Variants in BCL9 observed in about 807,000 individuals in gnomAD.
BCL9 encodes B-cell CLL/lymphoma 9 protein.
Under a neutral mutation model 88.5 loss-of-function variants are expected in BCL9, and 25 were observed. That is an observed-to-expected ratio of 0.28 (90% CI 0.21 to 0.39). BCL9 has a LOEUF of 0.39. BCL9 is among the 10% of genes least tolerant of loss of function. The pLI is 1.00. For missense variants in BCL9, 1,817 were observed against 1,877.8 expected, an observed-to-expected ratio of 0.97 and a Z score of 0.60; for synonymous variants, 711 against 673.3, an observed-to-expected ratio of 1.06 and a Z score of -0.87.
At chr1:147,623,389 C>T (rs1658751746) in intron 9 of BCL9, among the ~76,000 whole-genome samples, 1 of 152,170 alleles carries the variant, frequency 6.6e-6, no homozygotes, top group African/African-American at 2.4e-5. Context: ...CTCTATAAGG[C>T]ACTTATAAAA....
At chr1:147,543,143 AT>A (rs1373290661) in intron 1 of BCL9, among the ~76,000 whole-genome samples, 3 of 152,178 alleles carry the variant, frequency 2.0e-5, no homozygotes, top group African/African-American at 7.2e-5. Context: ...AGGAAAAAAA[AT>A]GTCTGCTTAT....
chr1:147,555,126 G>A (rs937689700), intron 1 of BCL9, among the ~76,000 whole-genome samples: 4 of 152,080 alleles, frequency 2.6e-5, no homozygotes, highest in African/African-American at 9.7e-5. Flanking sequence ...GGTGGGTACT[G>A]CTATTATCCT....
In BCL9 at chr1:147,624,638, C is replaced by T; in HGVS notation, c.3960C>T (p.Ala1320=). The T allele has an allele frequency of 1.2e-6, 2 of 1,614,212 alleles. No individual in the cohort carries two copies. Among genetic ancestry groups the T allele is most frequent in the Non-Finnish European group, 1.7e-6 (2 of 1,180,034 alleles). Residue 1320 remains alanine, a synonymous_variant, in exon 10 of 10, where the codon GCC becomes GCT. Coordinates refer to ENST00000234739, the MANE Select transcript of BCL9 (RefSeq NM_004326.4). The surrounding 1 kb of genome is among the most constrained non-coding windows in gnomAD (Gnocchi z 4.4). ...MPGHNPMRPP[A]FLQQGMMGPH... ...GCCACAACCCCATGAGACCACCAGC[C>T]TTTCTCCAACAAGGCATGATGGGAC...
chr1:147,558,949 C>G (rs145005255), intron 1 of BCL9, among the ~76,000 whole-genome samples: 5 of 152,274 alleles, frequency 3.3e-5, no homozygotes, highest in African/African-American at 1.2e-4. Context: ...TCCTCCTCCC[C>G]CTACTTCATC....
rs587690359 is a variant in BCL9 at position 147,593,789 on chromosome 1, A to G, written c.-477-10988A>G. Among the ~76,000 whole-genome samples, 4 of 152,338 alleles carry G rather than the reference A, an allele frequency of 2.6e-5. No individual in the cohort carries two copies. The East Asian group carries it at 5.8e-4, about 22-fold the overall frequency. On this transcript the variant is annotated intron_variant, in intron 1 of 9. Coordinates refer to ENST00000234739, the MANE Select transcript of BCL9 (RefSeq NM_004326.4). ...GCCCTGTACTTAGTAGTTGCTCAAT[A>G]AATATTGCAATGAATAAGTAATTGA...
At chr1:147,584,033 T>G (rs1425349661) in intron 1 of BCL9, among the ~76,000 whole-genome samples, 8 of 136,744 alleles carry the variant, frequency 5.9e-5, no homozygotes, top group African/African-American at 2.2e-4. Context: ...TTTATTTTCT[T>G]TCATTTCTTT....
At chr1:147,585,731 A>G (rs1002232276) in intron 1 of BCL9, among the ~76,000 whole-genome samples, 7 of 152,174 alleles carry the variant, frequency 4.6e-5, no homozygotes, top group Non-Finnish European at 1.0e-4. Context: ...ATTGTTTAGC[A>G]TTTCTAGCAC....
intron 1 of BCL9, among the ~76,000 whole-genome samples, chr1:147,573,345 C>G (rs925842860): frequency 6.6e-6 from 1 of 152,012 alleles, no homozygotes; most frequent in Admixed American, 6.5e-5. Flanking sequence ...CCCAGCTACT[C>G]GGGAGGCTGA....
At chr1:147,573,898 A>C (rs1553197790) in intron 1 of BCL9, among the ~76,000 whole-genome samples, 1 of 152,136 alleles carries the variant, frequency 6.6e-6, no homozygotes, top group East Asian at 1.9e-4. Context: ...ATTATGCCAC[A>C]AAAGAGTAGC....
chr1:147,621,489 AT>A (rs782300853), intron 8 of BCL9, among the ~76,000 whole-genome samples: 7 of 152,308 alleles, frequency 4.6e-5, no homozygotes, highest in Admixed American at 3.3e-4. Context: ...GTTCTTGTAA[AT>A]ACCTGTTGAC....
intron 1 of BCL9, among the ~76,000 whole-genome samples, chr1:147,554,605 A>G (rs368037731): frequency 1.3e-5 from 2 of 152,176 alleles, no homozygotes; most frequent in South Asian, 2.1e-4. Flanking sequence ...GGGTTTGTGA[A>G]GTGAACAGCT....
intron 1 of BCL9, among the ~76,000 whole-genome samples, chr1:147,596,504 C>G (rs1404288403): frequency 6.6e-6 from 1 of 151,226 alleles, no homozygotes; most frequent in Non-Finnish European, 1.5e-5. Flanking sequence ...AGCTCCGCCT[C>G]CCGGGTTCAC....
At chr1:147,558,924 C>T (rs1570818677) in intron 1 of BCL9, among the ~76,000 whole-genome samples, 1 of 152,258 alleles carries the variant, frequency 6.6e-6, no homozygotes, top group East Asian at 1.9e-4. Flanking sequence ...AGCACCTCAT[C>T]ACATAAGTAT....
intron 1 of BCL9, among the ~76,000 whole-genome samples, chr1:147,582,554 C>T (rs891002076): frequency 6.6e-6 from 1 of 152,028 alleles, no homozygotes; most frequent in East Asian, 1.9e-4. Flanking sequence ...ACCCGAGGGC[C>T]GAATCTGTCC....
intron 1 of BCL9, among the ~76,000 whole-genome samples, chr1:147,555,914 TTAAG>T (rs1655087595): frequency 6.6e-6 from 1 of 152,140 alleles, no homozygotes; most frequent in African/African-American, 2.4e-5. Context: ...TTTCATTACT[TTAAG>T]TAAGCTTAAT....
rs1389123342 is a variant in BCL9 at position 147,625,825 on chromosome 1, A to C, written c.*866A>C. The C allele has an allele frequency of 1.3e-5, 3 of 232,508 alleles. No homozygotes were observed. The highest frequency in any genetic ancestry group is 1.2e-4 in the East Asian group (2 of 16,466). 14.4% of individuals were successfully genotyped at this position (232,508 alleles called of 1,614,324 possible). A position where few individuals can be genotyped will look rare whatever the true frequency, so the allele number is the denominator to read the frequency against. Reference sequence around the variant, plus strand: ...TTTCCCTTTGGCAGCTGCAATACACAGTGTTATTTTGGGGAAATAAATCTA... The same window carrying C: ...TTTCCCTTTGGCAGCTGCAATACACCGTGTTATTTTGGGGAAATAAATCTA... On this transcript the variant is annotated 3_prime_UTR_variant, in exon 10 of 10. Transcript: ENST00000234739.
chr1:147,609,292 C>T (rs1334860193), intron 3 of BCL9, among the ~76,000 whole-genome samples: 2 of 152,084 alleles, frequency 1.3e-5, no homozygotes, highest in Non-Finnish European at 2.9e-5. Flanking sequence ...ATTTTTTGCT[C>T]AGTCGTTTTT....
At chr1:147,605,221 C>T (rs116063301) in intron 2 of BCL9, among the ~76,000 whole-genome samples, 2 of 152,186 alleles carry the variant, frequency 1.3e-5, no homozygotes, top group African/African-American at 2.4e-5. Context: ...TAGCAATACA[C>T]AAGCCCCAAG....
intron 1 of BCL9, among the ~76,000 whole-genome samples, chr1:147,546,566 TA>T (rs1170451302): frequency 2.0e-5 from 3 of 152,190 alleles, no homozygotes; most frequent in Non-Finnish European, 4.4e-5. Context: ...GGAATTGGAC[TA>T]AATCATCTTT....
Sources: allele counts gnomAD v4.1 joint callset (sites outside exome capture counted in the v4.1 genomes callset), GRCh38; gene constraint gnomAD v4.1.1; non-coding constraint Gnocchi (gnomAD v3.1); transcripts MANE v1.5; gene names NCBI Gene and HGNC (gene_info 2026-07-23, HGNC 2026-07-21).